SPSB2: variants seen among roughly 807,000 people sequenced by gnomAD.
The protein encoded by SPSB2 is SPRY domain-containing SOCS box protein 2.
SPSB2 carries 25 observed loss-of-function variants against 19.2 expected under a neutral mutation model. The observed-to-expected ratio is 1.30, with a 90% CI of 0.95 to 1.82. The LOEUF (loss-of-function observed/expected upper bound fraction) is 1.82, where lower values mean the gene tolerates loss of function less well. SPSB2 is among the 40% of genes most tolerant of loss of function. The pLI is 0.00. For missense variants in SPSB2, 413 were observed against 344.9 expected, an observed-to-expected ratio of 1.20 and a Z score of -1.56; for synonymous variants, 153 against 154.9, an observed-to-expected ratio of 0.99 and a Z score of 0.09.
In SPSB2 at chr12:6,871,255, C is replaced by G. The variant is rs782336797; in HGVS notation, c.729G>C (p.Arg243=). The G allele has an allele frequency of 6.2e-7, 1 of 1,613,762 alleles. No individual in the cohort carries two copies. The highest frequency in any genetic ancestry group is 1.7e-5 in the Admixed American group (1 of 59,966). The stretch of plus-strand genomic sequence containing the variant: ...AGGGCAGGGCAGACACCTGGCCGAG[C>G]CGGGTATCCCCCAGGTTGTGGCGCA... The part of the protein sequence containing the change: ...LCVRHNLGDT[R]LGQVSALPLP... The change falls in exon 3 of 3, where the codon CGG becomes CGC. Residue 243 remains arginine, a synonymous_variant. Coordinates refer to ENST00000524270, the MANE Select transcript of SPSB2 (RefSeq NM_032641.4).
In SPSB2 at chr12:6,871,027, C is replaced by T; in HGVS notation, c.*165G>A. On this transcript the variant is annotated 3_prime_UTR_variant, in exon 3 of 3. Transcript: ENST00000524270. ...TTGAACGCCGGCTCCCTTTCTTCCT[C>T]CCTCCAAGTGGCTCTGGGGCTGTTG... 1 of 813,242 alleles carries T rather than the reference C, an allele frequency of 1.2e-6. No homozygotes were observed. The highest frequency in any genetic ancestry group is 2.0e-6 in the Non-Finnish European group (1 of 505,738). 50.4% of individuals were successfully genotyped at this position (813,242 alleles called of 1,614,324 possible).
At position 6,871,285 on chromosome 12, in the gene SPSB2, C is replaced by G; in HGVS notation, c.699G>C (p.Leu233=). The G allele has an allele frequency of 6.2e-7, 1 of 1,613,986 alleles. No homozygotes were observed. The highest frequency in any genetic ancestry group is 1.7e-5 in the Admixed American group (1 of 60,004). ...EPHSLLHLSR[L]CVRHNLGDTR... Reference sequence around the variant, plus strand: ...TATCCCCCAGGTTGTGGCGCACACACAGGCGGCTCAGGTGCAGAAGGGAGT... The same window carrying G: ...TATCCCCCAGGTTGTGGCGCACACAGAGGCGGCTCAGGTGCAGAAGGGAGT... The change falls in exon 3 of 3, where the codon CTG becomes CTC. Residue 233 remains leucine, a synonymous_variant. Coordinates refer to ENST00000524270, the MANE Select transcript of SPSB2 (RefSeq NM_032641.4).
rs782112252 is a variant in SPSB2, at chr12:6,872,348, G to C, written c.554C>G (p.Thr185Ser). The change falls in exon 2 of 3, where the codon ACC becomes AGC. Residue 185 changes from threonine (T) to serine (S), a missense_variant. Coordinates refer to ENST00000524270, the MANE Select transcript of SPSB2 (RefSeq NM_032641.4). Reference sequence around the variant, plus strand: ...TCCGCGGAATGCTGGCCCCAGGTAGGTGCCCCCAATAGCGTAGCCCAGAGT... The same window carrying C: ...TCCGCGGAATGCTGGCCCCAGGTAGCTGCCCCCAATAGCGTAGCCCAGAGT... The part of the protein sequence containing the change: ...EGTLGYAIGG[T>S]YLGPAFRGLK... 1 of 1,614,214 alleles carries C rather than the reference G, an allele frequency of 6.2e-7. No homozygotes were observed. The highest frequency in any genetic ancestry group is 1.3e-5 in the African/African-American group (1 of 75,060).
intron 2 of SPSB2, chr12:6,871,907 A>C: frequency 8.3e-7 from 1 of 1,204,682 alleles, no homozygotes. Context: ...TGTACATCAA[A>C]CCCAGTACCT....
intron 2 of SPSB2, chr12:6,871,964 T>C: frequency 4.9e-6 from 7 of 1,439,462 alleles, no homozygotes; most frequent in Middle Eastern, 2.4e-4. Context: ...CTGAATTCTC[T>C]CATCCCTGCA....
chr12:6,871,141 A>C lies in SPSB2; in HGVS notation c.*51T>G, dbSNP rs1565539661. The C allele has an allele frequency of 6.4e-7, 1 of 1,551,542 alleles. No individual in the cohort carries two copies. Among genetic ancestry groups the C allele is most frequent in the Non-Finnish European group, 8.7e-7 (1 of 1,145,894 alleles). Reference sequence around the variant, plus strand: ...GCCAGCAGTGCCTCCCCACCTCCCCAAGGGGAGGGGTGGTGGCAAGACCTC... The same window carrying C: ...GCCAGCAGTGCCTCCCCACCTCCCCCAGGGGAGGGGTGGTGGCAAGACCTC... On this transcript the variant is annotated 3_prime_UTR_variant, in exon 3 of 3. Coordinates refer to ENST00000524270, the MANE Select transcript of SPSB2 (RefSeq NM_032641.4).
Position 6,872,130 on chromosome 12 carries a change from G to A in SPSB2, c.664+108C>T, listed in dbSNP as rs144403006. ...TTCCCAGCACTGAACAGAGGTTGAG[G>A]CAGGCTGGATGAAGGTCCATCCCCT... On this transcript the variant is annotated intron_variant, in intron 2 of 2. Coordinates refer to ENST00000524270, the MANE Select transcript of SPSB2 (RefSeq NM_032641.4). The A allele has an allele frequency of 1.7e-5, 28 of 1,612,898 alleles. No homozygotes were observed. In the African/African-American group the frequency reaches 3.5e-4, roughly 20 times the overall value.
At position 6,872,340 on chromosome 12, in the gene SPSB2, C is replaced by T; in HGVS notation, c.562G>A (p.Gly188Arg). The change falls in exon 2 of 3, where the codon GGG (glycine) becomes AGG (arginine). Residue 188 changes from glycine to arginine, a missense_variant. Gly to Arg is a moderately radical substitution (Grantham distance 125). Transcript: ENST00000524270. ...CCCTTCAGTCCGCGGAATGCTGGCC[C>T]CAGGTAGGTGCCCCCAATAGCGTAG... ...LGYAIGGTYLGPAFRGLKGRT... is the reference protein window; with the variant it reads ...LGYAIGGTYLRPAFRGLKGRT... 6.2e-7 allele frequency: 1 copy of T among 1,614,208 alleles called. No homozygotes were observed.
Position 6,870,938 on chromosome 12 carries a change from C to T in SPSB2, c.*254G>A, listed in dbSNP as rs1944576716. On this transcript the variant is annotated 3_prime_UTR_variant, in exon 3 of 3. Transcript: ENST00000524270. ...AAAAAAAAAAAACAAGAACAGGTTT[C>T]TATAACAACATCTCTTACTATTTTT... The T allele has an allele frequency of 6.1e-6, 4 of 656,900 alleles. 1 individual carries two copies. Among genetic ancestry groups the T allele is most frequent in the Middle Eastern group, 8.0e-4 (2 of 2,502 alleles). The allele number at this position is 656,900 out of a possible 1,614,324, so 40.7% of individuals were successfully genotyped here.
intron 1 of SPSB2, 48 bp downstream of exon 1, chr12:6,873,198 T>A: frequency 2.9e-6 from 1 of 345,334 alleles, no homozygotes; most frequent in Non-Finnish European, 5.3e-6. Context: ...GGCCTCAGCA[T>A]GGACCATCCC....
chr12:6,871,752 C>T, intron 2 of SPSB2: 1 of 363,892 alleles, frequency 2.7e-6, no homozygotes, highest in Non-Finnish European at 5.0e-6. Flanking sequence ...CCACTGCTCT[C>T]CTCCCTGGTG....
rs782744648 is a variant in SPSB2, at chr12:6,872,308, G to C, written c.594C>G (p.Thr198=). The C allele has an allele frequency of 6.8e-6, 11 of 1,614,186 alleles. No homozygotes were observed. The highest frequency in any genetic ancestry group is 9.3e-6 in the Non-Finnish European group (11 of 1,180,016). The change falls in exon 2 of 3, where the codon ACC becomes ACG. Residue 198 remains threonine, a synonymous_variant. Coordinates refer to ENST00000524270, the MANE Select transcript of SPSB2 (RefSeq NM_032641.4). ...GPAFRGLKGR[T]LYPAVSAVWG... is the part of the protein sequence containing the mutation. ...AGACAGCGCTTACTGCCGGATAGAG[G>C]GTCCTGCCCTTCAGTCCGCGGAATG...
In SPSB2 at chr12:6,871,281, C is replaced by T. The variant is rs1944587892; in HGVS notation, c.703G>A (p.Val235Met). 5.6e-6 allele frequency: 9 copies of T among 1,613,870 alleles called. No homozygotes were observed. The East Asian group carries it at 2.0e-4, about 36-fold the overall frequency. ...HSLLHLSRLC[V>M]RHNLGDTRLG... ...CGGGTATCCCCCAGGTTGTGGCGCA[C>T]ACACAGGCGGCTCAGGTGCAGAAGG... is the stretch of plus-strand genomic sequence containing the variant. Residue 235 changes from valine to methionine, a missense_variant, in exon 3 of 3, where the codon GTG (valine) becomes ATG (methionine). By Grantham distance (21) the Val-to-Met change is conservative (BLOSUM62 1). Transcript: ENST00000524270.
intron 2 of SPSB2, chr12:6,871,988 T>C: frequency 3.4e-6 from 5 of 1,453,646 alleles, no homozygotes; most frequent in African/African-American, 1.4e-5. Context: ...CCTCCCTCCA[T>C]TCTGAAGGTT....
At position 6,872,513 on chromosome 12, in the gene SPSB2, G is replaced by GT; in HGVS notation, c.388_389insA (p.Ser130TyrfsTer30). 6.2e-7 allele frequency: 1 copy of GT among 1,612,352 alleles called. No homozygotes were observed. Among genetic ancestry groups the GT allele is most frequent in the Non-Finnish European group, 8.5e-7 (1 of 1,179,890 alleles). On this transcript the variant is annotated frameshift_variant, in exon 2 of 3. Transcript: ENST00000524270. LOFTEE classifies it high-confidence loss of function. ...CCCCCGCCCGATGTCCCAGCCCCAC[G>GT]ACTCGCTGTTGCTGCCCAGCAGCGC...
intron 2 of SPSB2, chr12:6,871,716 T>C: frequency 3.0e-6 from 1 of 337,158 alleles, no homozygotes; most frequent in Non-Finnish European, 5.5e-6. Flanking sequence ...CCTCCCCTGC[T>C]GCCCCACCCT....
In SPSB2 at chr12:6,872,228, C is replaced by T. The variant is rs1555133673; in HGVS notation, c.664+10G>A. ...CAGAAAGTTCTCCCCACGTCTGCCC[C>T]AGGCCTCACCTCTCCTTTCGCCCAG... On this transcript the variant is annotated intron_variant, in intron 2 of 2. Transcript: ENST00000524270. The T allele has an allele frequency of 1.9e-6, 3 of 1,614,104 alleles. No homozygotes were observed. Among genetic ancestry groups the T allele is most frequent in the Non-Finnish European group, 2.5e-6 (3 of 1,180,038 alleles).
rs1555133254 is a variant in SPSB2, at chr12:6,871,177, G to A, written c.*15C>T. 1.9e-6 allele frequency: 3 copies of A among 1,585,436 alleles called. No individual in the cohort carries two copies. The highest frequency in any genetic ancestry group is 1.8e-5 in the Admixed American group (1 of 54,298). Reference sequence around the variant, plus strand: ...TGGTGGCAAGACCTCAGCACAGTCTGTGGTATCACAGGGCTCACTGGTAGA... The same window carrying A: ...TGGTGGCAAGACCTCAGCACAGTCTATGGTATCACAGGGCTCACTGGTAGA... On this transcript the variant is annotated 3_prime_UTR_variant, in exon 3 of 3. Transcript: ENST00000524270.
rs781805486 is a variant in SPSB2, at chr12:6,872,269, C to T, written c.633G>A (p.Gln211=). The change falls in exon 2 of 3, where the codon CAG becomes CAA. Residue 211 remains glutamine (Q), a synonymous_variant. Coordinates refer to ENST00000524270, the MANE Select transcript of SPSB2 (RefSeq NM_032641.4). The part of the protein sequence containing the change: ...PAVSAVWGQC[Q]VRIRYLGERR... ...TTTCGCCCAGGTAGCGGATGCGGACCTGGCACTGGCCCCAGACAGCGCTTA... is the reference window on the plus strand; with the variant it reads ...TTTCGCCCAGGTAGCGGATGCGGACTTGGCACTGGCCCCAGACAGCGCTTA... 4.3e-6 allele frequency: 7 copies of T among 1,614,194 alleles called. No individual in the cohort carries two copies. In the African/African-American group the frequency reaches 9.3e-5, roughly 22 times the overall value.
Sources: allele counts gnomAD v4.1 joint callset, GRCh38; gene constraint gnomAD v4.1.1; transcripts MANE v1.5; gene names NCBI Gene and HGNC (gene_info 2026-07-23, HGNC 2026-07-21).